UBAP2: variants seen among roughly 807,000 people sequenced by gnomAD.
UBAP2 encodes the protein ubiquitin associated protein 2.
UBAP2 carries 75 observed loss-of-function variants against 139.6 expected under a neutral mutation model. That is an observed-to-expected ratio of 0.54 (90% CI 0.45 to 0.65). The LOEUF (loss-of-function observed/expected upper bound fraction) is 0.65, where lower values mean the gene tolerates loss of function less well. Ranked by LOEUF, UBAP2 falls within the 30% of genes least tolerant of loss-of-function variation. UBAP2 has a pLI of 0.00. For synonymous variants in UBAP2, 526 were observed against 526.2 expected (o/e 1.00, Z 0.01); for missense variants, 1,368 against 1,369.6 (o/e 1.00, Z 0.02).
At chr9:34,015,002 T>TA in intron 2 of UBAP2, among the ~76,000 whole-genome samples, 1 of 152,324 alleles carries the variant, frequency 6.6e-6, no homozygotes, top group African/African-American at 2.4e-5. Flanking sequence ...CTGAAAAATG[T>TA]AACGCAACAC....
intron 6 of UBAP2, among the ~76,000 whole-genome samples, chr9:33,975,597 G>A (rs1294284949): frequency 6.7e-6 from 1 of 150,294 alleles, no homozygotes; most frequent in Non-Finnish European, 1.5e-5. Flanking sequence ...AGGAGATCGA[G>A]ACCATCCTGG....
chr9:33,968,069 C>G, intron 8 of UBAP2: 1 of 453,106 alleles, frequency 2.2e-6, no homozygotes, highest in Non-Finnish European at 4.3e-6. Context: ...TCAAAAGGCA[C>G]TCTAACTTAT....
intron 1 of UBAP2, among the ~76,000 whole-genome samples, chr9:34,038,477 G>A (rs903794629): frequency 2.6e-5 from 4 of 152,190 alleles, no homozygotes; most frequent in African/African-American, 9.6e-5. Context: ...TGGAGACGGG[G>A]TTTCGCTGTG....
intron 13 of UBAP2, among the ~76,000 whole-genome samples, chr9:33,946,861 G>A (rs1192073772): frequency 1.3e-5 from 2 of 152,174 alleles, no homozygotes; most frequent in Non-Finnish European, 2.9e-5. Context: ...AGTTATGTGT[G>A]CAGAAAAAGT....
chr9:33,977,783 C>T (rs1223703186), intron 6 of UBAP2, among the ~76,000 whole-genome samples: 1 of 151,536 alleles, frequency 6.6e-6, no homozygotes, highest in Non-Finnish European at 1.5e-5. Context: ...GTGCCTCAGT[C>T]TCCCGAGCGG....
Position 33,927,024 on chromosome 9 carries a change from G to A in UBAP2, c.2428C>T (p.Leu810Phe). 2 of 1,614,144 alleles carry A rather than the reference G, an allele frequency of 1.2e-6. No individual in the cohort carries two copies. The highest frequency in any genetic ancestry group is 2.2e-5 in the East Asian group (1 of 44,878). Residue 810 changes from leucine to phenylalanine, a missense_variant, in exon 21 of 29, where the codon CTC (leucine) becomes TTC (phenylalanine). Leu to Phe is a conservative substitution (Grantham distance 22). Coordinates refer to ENST00000379238, the MANE Select transcript of UBAP2 (RefSeq NM_001370062.2). ...GGAAGCAGTCCTCCGGGACCTACGA[G>A]GTACTGGTTGTGCAGCAGGGGAGGC... ...GVPPLLHNQYLVGPGGLLPAY... is the reference protein window; with the variant it reads ...GVPPLLHNQYFVGPGGLLPAY...
chr9:33,936,645 A>AAAAACAAAAC (rs911799433), intron 16 of UBAP2, among the ~76,000 whole-genome samples: 1 of 152,130 alleles, frequency 6.6e-6, no homozygotes, highest in East Asian at 1.9e-4. Context: ...CTCCATCTCA[A>AAAAACAAAAC]AAAACAAAAC....
chr9:33,926,767 C>T, intron 21 of UBAP2, 103 bp from the exon 22 acceptor site: 1 of 1,242,180 alleles, frequency 8.1e-7, no homozygotes, highest in African/African-American at 1.5e-5. Flanking sequence ...TCTAACACAC[C>T]CGGGAATGGG....
intron 6 of UBAP2, 124 bp downstream of exon 6, chr9:33,986,636 C>A: frequency 1.2e-6 from 1 of 827,050 alleles, no homozygotes; most frequent in South Asian, 1.5e-5. Context: ...AACAAATGAT[C>A]AGATTTTAGA....
In UBAP2 at chr9:33,975,525, G is replaced by A. The variant is rs535869019; in HGVS notation, c.521-2288C>T. 6.6e-5 allele frequency among the ~76,000 whole-genome samples: 10 copies of A among 151,860 alleles called. No individual in the cohort carries two copies. The South Asian group carries it at 1.5e-3, about 22-fold the overall frequency. On this transcript the variant is annotated intron_variant, in intron 6 of 28. Coordinates refer to ENST00000379238, the MANE Select transcript of UBAP2 (RefSeq NM_001370062.2). ...GTAAAAACGTAAAATGGGGCCAGGT[G>A]CAGCGGCTCATGCCTGTAATCCCAG...
At chr9:34,033,608 G>C (rs1466471000) in intron 1 of UBAP2, among the ~76,000 whole-genome samples, 1 of 151,640 alleles carries the variant, frequency 6.6e-6, no homozygotes, top group African/African-American at 2.4e-5. Context: ...GACAGGGTCT[G>C]ACTCTTTCGC....
rs145777023 is a variant in UBAP2, at chr9:34,030,197, G to A, written c.-41-13008C>T. 6.4e-3 allele frequency among the ~76,000 whole-genome samples: 974 copies of A among 152,068 alleles called. 13 individuals are homozygous for A. Among genetic ancestry groups the A allele is most frequent in the African/African-American group, 0.023 (934 of 41,506 alleles). ...GCGGTGGCTCACGCCTGTAATCCCA[G>A]CACTTTGGGAGGCTGAGGCGGGCAG... On this transcript the variant is annotated intron_variant, in intron 1 of 28. Transcript: ENST00000379238.
chr9:33,924,388 T>C, intron 22 of UBAP2, 104 bp from the exon 23 acceptor site: 1 of 1,139,068 alleles, frequency 8.8e-7, no homozygotes, highest in African/African-American at 1.5e-5. Flanking sequence ...TGAAACAGAC[T>C]CCATGCCTGA....
At chr9:33,939,622 G>A (rs1179740520) in intron 16 of UBAP2, among the ~76,000 whole-genome samples, 2 of 148,792 alleles carry the variant, frequency 1.3e-5, no homozygotes, top group African/African-American at 5.0e-5. Flanking sequence ...ATGGTGGCAT[G>A]TGTCTGCAGT....
intron 2 of UBAP2, among the ~76,000 whole-genome samples, chr9:34,010,574 A>G (rs1823672363): frequency 6.6e-6 from 1 of 152,186 alleles, no homozygotes; most frequent in Non-Finnish European, 1.5e-5. Flanking sequence ...CTGGCTAAAC[A>G]GATGTGATAA....
chr9:33,965,888 A>G (rs1827409167), intron 8 of UBAP2, among the ~76,000 whole-genome samples: 1 of 151,988 alleles, frequency 6.6e-6, no homozygotes, highest in African/African-American at 2.4e-5. Context: ...CTCTACTAAA[A>G]ATACAAAAAA....
intron 13 of UBAP2, 23 bp downstream of exon 13, chr9:33,948,351 A>C: frequency 1.3e-6 from 2 of 1,568,388 alleles, no homozygotes; most frequent in Non-Finnish European, 1.7e-6. Flanking sequence ...GTAGGGGCAA[A>C]CCCACAAACA....
intron 10 of UBAP2, among the ~76,000 whole-genome samples, chr9:33,960,033 G>T (rs1350525585): frequency 6.6e-6 from 1 of 152,126 alleles, no homozygotes; most frequent in Non-Finnish European, 1.5e-5. Context: ...GGGCTCAAGA[G>T]ATCCTCCTGC....
In UBAP2 at chr9:33,992,661, G is replaced by C. The variant is rs1030874998; in HGVS notation, c.289-3535C>G. ...ACAAAGACAACTTATCGGGCGGAGGGGGGGGGGCACAAATAGGGAAAAGAA... is the reference window on the plus strand; with the variant it reads ...ACAAAGACAACTTATCGGGCGGAGGCGGGGGGGCACAAATAGGGAAAAGAA... On this transcript the variant is annotated intron_variant, in intron 4 of 28. Coordinates refer to ENST00000379238, the MANE Select transcript of UBAP2 (RefSeq NM_001370062.2). 0.012 allele frequency among the ~76,000 whole-genome samples: 1,815 copies of C among 150,232 alleles called. 156 individuals carry two copies. The East Asian group carries it at 0.21, about 17-fold the overall frequency.
Sources: allele counts gnomAD v4.1 joint callset (sites outside exome capture counted in the v4.1 genomes callset), GRCh38; gene constraint gnomAD v4.1.1; transcripts MANE v1.5; gene names NCBI Gene and HGNC (gene_info 2026-07-23, HGNC 2026-07-21).